MTMR10: variants seen among roughly 807,000 people sequenced by gnomAD.
MTMR10 encodes the protein myotubularin related protein 10.
MTMR10 carries 56 observed loss-of-function variants against 88.1 expected under a neutral mutation model. That is an observed-to-expected ratio of 0.64 (90% CI 0.51 to 0.79). The LOEUF is 0.79. Among genes scored for constraint, MTMR10 ranks in the 30% least tolerant of loss-of-function variants. The pLI, the probability that MTMR10 is intolerant of heterozygous loss-of-function variation, is 0.00. For missense variants in MTMR10, 883 were observed against 924.7 expected (o/e 0.95, Z 0.58); for synonymous variants, 380 against 340.9 (o/e 1.11, Z -1.26).
In MTMR10 at chr15:30,967,926, T is replaced by TGTG; in HGVS notation, c.556_558dup (p.His186dup). 6.5e-7 allele frequency: 1 copy of TGTG among 1,547,604 alleles called. No individual in the cohort carries two copies. Among genetic ancestry groups the TGTG allele is most frequent in the Non-Finnish European group, 8.8e-7 (1 of 1,141,372 alleles). ...TTAATATTTTCATATTTACCTGAAT[T>TGTG]GTGGTATTTTTTCCCAACATATTCA... On this transcript the variant is annotated inframe_insertion, in exon 6 of 16. Coordinates refer to ENST00000435680, the MANE Select transcript of MTMR10 (RefSeq NM_017762.3).
intron 11 of MTMR10, 91 bp from the exon 12 acceptor site, chr15:30,952,129 C>T: frequency 9.4e-7 from 1 of 1,064,530 alleles, no homozygotes; most frequent in South Asian, 1.4e-5. Flanking sequence ...TAATTTCTCA[C>T]TTTACAGATG....
chr15:30,959,319 TA>T (rs1413072628), intron 7 of MTMR10, among the ~76,000 whole-genome samples, 198 bp from the exon 8 acceptor site: 2 of 152,156 alleles, frequency 1.3e-5, no homozygotes, highest in African/African-American at 2.4e-5. Flanking sequence ...GACCAATTCT[TA>T]AAAATCTAAA....
At position 30,940,264 on chromosome 15, in the gene MTMR10, C is replaced by A; in HGVS notation, c.*1206G>T. 1.0e-6 allele frequency: 1 copy of A among 974,510 alleles called. No individual in the cohort carries two copies. The highest frequency in any genetic ancestry group is 1.2e-6 in the Non-Finnish European group (1 of 823,836). The allele number at this position is 974,510 out of a possible 1,614,324, so 60.4% of individuals were successfully genotyped here. A position where few individuals can be genotyped will look rare whatever the true frequency, so the allele number is the denominator to read the frequency against. On this transcript the variant is annotated 3_prime_UTR_variant, in exon 16 of 16. Transcript: ENST00000435680. ...CAGTGGTAGGTAGGCTCTTGTCACA[C>A]AGTTTGGAAATACTTTACTTTAGAG...
At position 30,950,059 on chromosome 15, in the gene MTMR10, T is replaced by TAACTC. The variant is rs71420533; in HGVS notation, c.1208-1589_1208-1588insGAGTT. On this transcript the variant is annotated intron_variant, in intron 12 of 15. Coordinates refer to ENST00000435680, the MANE Select transcript of MTMR10 (RefSeq NM_017762.3). ...GTGAATTCCATAGTATGTAAATTTT[T>TAACTC]AACAAACTGTTTAAAAATAAACGTA... 4.0e-5 allele frequency: 6 copies of TAACTC among 151,664 alleles called. No individual in the cohort carries two copies. In the East Asian group the frequency reaches 1.2e-3, roughly 29 times the overall value. The allele number at this position is 151,664 out of a possible 1,614,324, so 9.4% of individuals were successfully genotyped here. A position where few individuals can be genotyped will look rare whatever the true frequency, so the allele number is the denominator to read the frequency against.
rs141002478 is a variant in MTMR10 at position 30,942,898 on chromosome 15, G to A, written c.1723C>T (p.Arg575Trp). The A allele has an allele frequency of 1.3e-4, 206 of 1,562,078 alleles. 2 individuals carry two copies. In the East Asian group the frequency reaches 3.6e-3, roughly 27 times the overall value. ...IQNGSVKSFKRTKKSYSSTLR... is the reference protein window; with the variant it reads ...IQNGSVKSFKWTKKSYSSTLR... ...TGTTAGCTGTGATTTACCTTTGTCC[G>A]TTTAAAAGACTTCACGGAGCCATTC... Residue 575 changes from arginine to tryptophan, a missense_variant, in exon 15 of 16, where the codon CGG becomes TGG. Physicochemically the swap from Arg to Trp is moderately radical, Grantham distance 101. This residue lies in a region of MTMR10 where 343 missense variants were observed against 323.2 expected (regional missense o/e 1.06). Transcript: ENST00000435680.
Position 30,941,596 on chromosome 15 carries a change from G to A in MTMR10, c.2208C>T (p.Ser736=). 6.2e-7 allele frequency: 1 copy of A among 1,600,024 alleles called. No individual in the cohort carries two copies. Among genetic ancestry groups the A allele is most frequent in the Non-Finnish European group, 8.5e-7 (1 of 1,172,848 alleles). ...TDTSGTPEFL[S]SSFPFSPVGN... The stretch of plus-strand genomic sequence containing the variant: ...CTACAGGAGAAAATGGAAATGAGGA[G>A]GAGAGAAACTCCGGTGTCCCCGAGG... The change falls in exon 16 of 16, where the codon TCC becomes TCT. Residue 736 remains serine (S), a synonymous_variant. Coordinates refer to ENST00000435680, the MANE Select transcript of MTMR10 (RefSeq NM_017762.3).
the MTMR10 span, chr15:30,925,646 T>C: frequency 1.1e-6 from 1 of 948,432 alleles, no homozygotes; most frequent in Non-Finnish European, 1.6e-6. Flanking sequence ...CCCGCAGTTC[T>C]GCGTGTGTGA....
Position 30,954,748 on chromosome 15 carries a change from T to C in MTMR10, c.1066+15A>G. On this transcript the variant is annotated intron_variant, in intron 10 of 15. Coordinates refer to ENST00000435680, the MANE Select transcript of MTMR10 (RefSeq NM_017762.3). ...TCCTGTGTTCATTATATATATGAAA[T>C]AAGAATGAAATTACCATTAACGCAT... The C allele has an allele frequency of 6.3e-7, 1 of 1,582,660 alleles. No individual in the cohort carries two copies. The highest frequency in any genetic ancestry group is 8.6e-7 in the Non-Finnish European group (1 of 1,167,346).
intron 6 of MTMR10, among the ~76,000 whole-genome samples, chr15:30,962,666 G>A (rs969122302): frequency 6.6e-6 from 1 of 152,132 alleles, no homozygotes; most frequent in Non-Finnish European, 1.5e-5. Context: ...GTATAAGACA[G>A]GTATTTTCTG....
chr15:30,930,274 C>T, the MTMR10 span, among the ~76,000 whole-genome samples: 1 of 151,928 alleles, frequency 6.6e-6, no homozygotes, highest in African/African-American at 2.4e-5. Context: ...CCTCCACATC[C>T]CTCTTCCTCA....
intron 9 of MTMR10, 112 bp downstream of exon 9, chr15:30,958,751 G>A: frequency 9.2e-7 from 1 of 1,086,310 alleles, no homozygotes; most frequent in Non-Finnish European, 1.4e-6. Context: ...AAAACATGGT[G>A]CTAACTAATT....
chr15:30,928,244 T>C, the MTMR10 span: 2 of 1,111,248 alleles, frequency 1.8e-6, no homozygotes, highest in Non-Finnish European at 2.2e-6. Flanking sequence ...CCTATTTTTC[T>C]TTTAAACATG....
intron 1 of MTMR10, 79 bp downstream of exon 1, chr15:30,991,368 T>A (rs1391191053): frequency 3.0e-6 from 4 of 1,340,864 alleles, no homozygotes; most frequent in Non-Finnish European, 3.9e-6. Flanking sequence ...CCTGGGGTCC[T>A]CCAGTTCCCG....
Position 30,974,428 on chromosome 15 carries a change from G to A in MTMR10, c.360C>T (p.Val120=), listed in dbSNP as rs747689761. Residue 120 remains valine (V), a synonymous_variant, in exon 5 of 16, where the codon GTC becomes GTT. Coordinates refer to ENST00000435680, the MANE Select transcript of MTMR10 (RefSeq NM_017762.3). ...ATTTCAGTTTCTGGTTGGGGCCTAG[G>A]ACTTTCTGCTTCCTCTTGTGGTCGT... ...TVNDHKRKQK[V]LGPNQKLKFN... 2 of 1,575,042 alleles carry A rather than the reference G, an allele frequency of 1.3e-6. No individual in the cohort carries two copies. Among genetic ancestry groups the A allele is most frequent in the Non-Finnish European group, 1.7e-6 (2 of 1,158,538 alleles).
At chr15:30,919,692 GAA>G in the MTMR10 span, among the ~76,000 whole-genome samples, 11 of 129,350 alleles carry the variant, frequency 8.5e-5, no homozygotes, top group East Asian at 2.2e-4. Context: ...CTGTCTCGGG[GAA>G]AAAAAAAAAA....
chr15:30,982,550 G>A (rs974074168), intron 2 of MTMR10, among the ~76,000 whole-genome samples: 8 of 152,206 alleles, frequency 5.3e-5, no homozygotes, highest in African/African-American at 9.6e-5. Flanking sequence ...TCTTTTAAGC[G>A]CCACACAGCC....
At chr15:30,936,312 T>TA (rs755993019), downstream of MTMR10, among the ~76,000 whole-genome samples, 1 of 152,096 alleles carries the variant, frequency 6.6e-6, no homozygotes, top group Non-Finnish European at 1.5e-5. Context: ...GTCAGGCATG[T>TA]CAAGAACAGG....
intron 12 of MTMR10, among the ~76,000 whole-genome samples, chr15:30,951,580 A>T (rs1231306377): frequency 6.6e-6 from 1 of 151,818 alleles, no homozygotes; most frequent in Non-Finnish European, 1.5e-5. Flanking sequence ...GCTCACTGCA[A>T]CCTCCGCCTC....
At chr15:30,929,821 A>G in the MTMR10 span, among the ~76,000 whole-genome samples, 3 of 78,058 alleles carry the variant, frequency 3.8e-5, no homozygotes, top group African/African-American at 1.9e-4. Context: ...ATAATATATT[A>G]TATCATATAT....
Sources: allele counts gnomAD v4.1 joint callset (sites outside exome capture counted in the v4.1 genomes callset), GRCh38; gene constraint gnomAD v4.1.1; regional missense constraint gnomAD v4.1.1; transcripts MANE v1.5; gene names NCBI Gene and HGNC (gene_info 2026-07-23, HGNC 2026-07-21).